The following PPP2CB variants were observed in gnomAD, a reference collection of about 807,000 sequenced individuals.
The protein encoded by PPP2CB is serine/threonine-protein phosphatase 2A catalytic subunit beta isoform.
PPP2CB carries 18 observed loss-of-function variants against 39.1 expected under a neutral mutation model. That is an observed-to-expected ratio of 0.46 (90% CI 0.32 to 0.68). The LOEUF (loss-of-function observed/expected upper bound fraction) is 0.68. Ranked by LOEUF, PPP2CB falls within the 30% of genes least tolerant of loss-of-function variation. The pLI, the probability that PPP2CB is intolerant of heterozygous loss-of-function variation, is 0.04. For synonymous variants in PPP2CB, 129 were observed against 133.8 expected (o/e 0.96, Z 0.25); for missense variants, 226 against 396.9 (o/e 0.57, Z 3.66).
In PPP2CB at chr8:30,799,588, T is replaced by A; in HGVS notation, c.270A>T (p.Gly90=). The A allele has an allele frequency of 1.2e-6, 2 of 1,613,908 alleles. No homozygotes were observed. The highest frequency in any genetic ancestry group is 1.7e-6 in the Non-Finnish European group (2 of 1,179,842). The part of the protein sequence containing the change: ...YLFMGDYVDR[G]YYSVETVTLL... ...GAGTCACAGTCTCCACTGAATAATA[T>A]CCTCTGTCTACATAGTCACCCATGA... Residue 90 remains glycine, a synonymous_variant, in exon 2 of 7, where the codon GGA becomes GGT. Transcript: ENST00000221138.
At chr8:30,803,861 G>A (rs1008061802) in intron 1 of PPP2CB, among the ~76,000 whole-genome samples, 5 of 150,218 alleles carry the variant, frequency 3.3e-5, no homozygotes, top group African/African-American at 1.2e-4. Flanking sequence ...CTGTCGTCCA[G>A]GCTGGAGTGC....
intron 6 of PPP2CB, 167 bp downstream of exon 6, chr8:30,791,030 T>G (rs775228096): frequency 1.8e-6 from 1 of 543,604 alleles, no homozygotes; most frequent in African/African-American, 2.0e-5. Context: ...TCCAAAAGCT[T>G]TGAAAAATTA....
At chr8:30,791,869 T>C (rs1025942022) in intron 5 of PPP2CB, among the ~76,000 whole-genome samples, 21 of 151,620 alleles carry the variant, frequency 1.4e-4, no homozygotes, top group African/African-American at 4.6e-4. Flanking sequence ...TATATGTATA[T>C]ATGTGTGTGC....
rs1029205826 is a variant in PPP2CB, at chr8:30,812,659, C to G, written c.-238G>C. 1.7e-5 allele frequency: 6 copies of G among 362,966 alleles called. No individual in the cohort carries two copies. Among genetic ancestry groups the G allele is most frequent in the Non-Finnish European group, 2.5e-5 (5 of 200,404 alleles). The allele number at this position is 362,966 out of a possible 1,614,324, so 22.5% of individuals were successfully genotyped here. On this transcript the variant is annotated 5_prime_UTR_variant, in exon 1 of 7. Coordinates refer to ENST00000221138, the MANE Select transcript of PPP2CB (RefSeq NM_001009552.2). ...GAGACCCCCGCCCGCCCTTCCCCGC[C>G]CGGCCGCGCGCCGCGGGAGTCGGTG...
At position 30,797,663 on chromosome 8, in the gene PPP2CB, C is replaced by T. The variant is rs1257464727; in HGVS notation, c.404G>A (p.Arg135Gln). The T allele has an allele frequency of 4.3e-6, 7 of 1,613,786 alleles. No homozygotes were observed. The highest frequency in any genetic ancestry group is 4.0e-5 in the African/African-American group (3 of 74,926). Residue 135 changes from arginine to glutamine, a missense_variant, in exon 3 of 7, where the codon CGA becomes CAA. Arg to Gln is a conservative substitution (Grantham distance 43). Transcript: ENST00000221138. ...CCAAACGTTGGCATTCCCATACTTT[C>T]GCAGACATTCATCATAAAAGCCATA... ...QVYGFYDECL[R>Q]KYGNANVWKY...
intron 3 of PPP2CB, among the ~76,000 whole-genome samples, chr8:30,796,369 T>C (rs761254245): frequency 6.6e-6 from 1 of 152,110 alleles, no homozygotes; most frequent in Non-Finnish European, 1.5e-5. Flanking sequence ...AGTTTTATTA[T>C]ATGTTTTATA....
At chr8:30,810,250 A>AGACCAGCCT (rs1806803024) in intron 1 of PPP2CB, 2 of 152,376 alleles carry the variant, frequency 1.3e-5, no homozygotes, top group Non-Finnish European at 1.5e-5. Context: ...CAGGAGTTCT[A>AGACCAGCCT]GACCAGCCTG....
intron 1 of PPP2CB, among the ~76,000 whole-genome samples, chr8:30,804,915 T>A (rs1185519551): frequency 1.3e-5 from 2 of 152,170 alleles, no homozygotes; most frequent in African/African-American, 2.4e-5. Flanking sequence ...GTCTCTTGAA[T>A]TCAAGCCCAT....
intron 6 of PPP2CB, among the ~76,000 whole-genome samples, chr8:30,787,279 C>T (rs1806359621): frequency 6.6e-6 from 1 of 152,192 alleles, no homozygotes; most frequent in Non-Finnish European, 1.5e-5. Context: ...GCAGGTGTGA[C>T]AGAATGAATG....
intron 5 of PPP2CB, 123 bp downstream of exon 5, chr8:30,793,794 G>A: frequency 8.5e-7 from 1 of 1,177,140 alleles, no homozygotes; most frequent in Non-Finnish European, 1.1e-6. Context: ...AAACCAGCAA[G>A]TTTTTCCTCT....
intron 6 of PPP2CB, among the ~76,000 whole-genome samples, chr8:30,786,934 G>C (rs1225658647): frequency 6.6e-6 from 1 of 151,842 alleles, no homozygotes; most frequent in Non-Finnish European, 1.5e-5. Flanking sequence ...CAAAGTGCTG[G>C]GATTACAGGC....
intron 1 of PPP2CB, among the ~76,000 whole-genome samples, chr8:30,809,193 C>T (rs1806781408): frequency 6.6e-6 from 1 of 151,718 alleles, no homozygotes; most frequent in African/African-American, 2.4e-5. Context: ...GGATTACAGG[C>T]GTGAGCCACT....
chr8:30,790,956 T>G, intron 6 of PPP2CB: 2 of 363,564 alleles, frequency 5.5e-6, no homozygotes, highest in Non-Finnish European at 4.9e-6. Context: ...CTATTATTAC[T>G]GAGATTTAGT....
At chr8:30,806,741 CTG>C (rs1178861031) in intron 1 of PPP2CB, among the ~76,000 whole-genome samples, 4 of 152,066 alleles carry the variant, frequency 2.6e-5, no homozygotes, top group East Asian at 1.9e-4. Flanking sequence ...AGAGAAAAGA[CTG>C]TGAAGAAAAA....
chr8:30,806,108 C>T (rs1412533989), intron 1 of PPP2CB, among the ~76,000 whole-genome samples: 5 of 147,914 alleles, frequency 3.4e-5, no homozygotes, highest in East Asian at 2.0e-4. Context: ...AATGCAGTGG[C>T]GCGATCTCGG....
chr8:30,793,830 G>C, intron 5 of PPP2CB, 87 bp downstream of exon 5: 1 of 1,375,520 alleles, frequency 7.3e-7, no homozygotes, highest in Non-Finnish European at 9.6e-7. Flanking sequence ...AAATGGTGAG[G>C]AATGTTTCTT....
At position 30,786,011 on chromosome 8, in the gene PPP2CB, T is replaced by C; in HGVS notation, c.*224A>G. On this transcript the variant is annotated 3_prime_UTR_variant, in exon 7 of 7. Transcript: ENST00000221138. ...GTTACTATAAATACAGCAGGCAAAC[T>C]GTTAGACTGACCTAGAACATAGTGT... 1 of 655,428 alleles carries C rather than the reference T, an allele frequency of 1.5e-6. No homozygotes were observed. The highest frequency in any genetic ancestry group is 2.8e-6 in the Non-Finnish European group (1 of 358,152). 40.6% of individuals were successfully genotyped at this position (655,428 alleles called of 1,614,324 possible). A position where few individuals can be genotyped will look rare whatever the true frequency, so the allele number is the denominator to read the frequency against.
intron 1 of PPP2CB, among the ~76,000 whole-genome samples, chr8:30,809,606 C>CT (rs1806789725): frequency 6.6e-6 from 1 of 151,950 alleles, no homozygotes; most frequent in Non-Finnish European, 1.5e-5. Flanking sequence ...ATGAATTTCA[C>CT]TAACAAATTC....
chr8:30,792,003 TAC>T (rs59227189), intron 5 of PPP2CB, among the ~76,000 whole-genome samples: 2,034 of 150,570 alleles, frequency 0.014, 36 homozygotes, highest in African/African-American at 0.048. Flanking sequence ...CATATATGTA[TAC>T]ACACATACAT....
Sources: allele counts gnomAD v4.1 joint callset (sites outside exome capture counted in the v4.1 genomes callset), GRCh38; gene constraint gnomAD v4.1.1; transcripts MANE v1.5; gene names NCBI Gene and HGNC (gene_info 2026-07-23, HGNC 2026-07-21).